Variants in RYR2 observed in about 807,000 individuals in gnomAD.
RYR2 encodes the protein cardiac muscle ryanodine receptor-calcium release channel.
RYR2 carries 227 observed loss-of-function variants against 601.1 expected under a neutral mutation model. The ratio of observed to expected loss-of-function variants is 0.38; its 90% CI spans 0.34 to 0.42. The LOEUF (loss-of-function observed/expected upper bound fraction) is 0.42. RYR2 is among the 10% of genes least tolerant of loss of function. RYR2 has a pLI of 1.00. For missense variants in RYR2, 4,646 were observed against 6,156.5 expected (o/e 0.75, Z 8.21); for synonymous variants, 2,223 against 2,175.1 (o/e 1.02, Z -0.61).
intron 1 of RYR2, among the ~76,000 whole-genome samples, chr1:237,253,698 G>A (rs1297614526): frequency 1.3e-5 from 2 of 152,282 alleles, no homozygotes; most frequent in Non-Finnish European, 1.5e-5. Context: ...ATCAGGAATA[G>A]TTTATTGCTC....
At chr1:237,264,705 T>TA (rs1558520794) in intron 1 of RYR2, among the ~76,000 whole-genome samples, 11 of 151,318 alleles carry the variant, frequency 7.3e-5, no homozygotes, top group African/African-American at 2.7e-4. Context: ...TATTATTTTT[T>TA]TTTTTTTGAG....
chr1:237,149,620 C>A (rs1343546237), intron 1 of RYR2, among the ~76,000 whole-genome samples: 1 of 151,434 alleles, frequency 6.6e-6, no homozygotes, highest in Admixed American at 6.6e-5. Flanking sequence ...AGGCTTTTTT[C>A]TTCTGTGAAG....
intron 74 of RYR2, 32 bp from the exon 75 acceptor site, chr1:237,726,241 T>C (rs1428787889): frequency 6.8e-7 from 1 of 1,468,636 alleles, no homozygotes; most frequent in Non-Finnish European, 9.4e-7. Context: ...GTTTTACTTT[T>C]TTAGCTAACA....
intron 10 of RYR2, among the ~76,000 whole-genome samples, chr1:237,410,122 C>G (rs567255956): frequency 4.6e-5 from 7 of 152,268 alleles, no homozygotes; most frequent in African/African-American, 1.4e-4. Context: ...CTCAAAGTGT[C>G]CGTGATACTG....
intron 2 of RYR2, among the ~76,000 whole-genome samples, chr1:237,289,093 T>C (rs1691911749): frequency 2.0e-5 from 3 of 152,108 alleles, no homozygotes. Flanking sequence ...TGGGGGTGTA[T>C]ATTTGGGAGA....
At chr1:237,249,034 G>C (rs1268558278) in intron 1 of RYR2, among the ~76,000 whole-genome samples, 1 of 152,052 alleles carries the variant, frequency 6.6e-6, no homozygotes, top group Non-Finnish European at 1.5e-5. Context: ...CAAAGTGCTG[G>C]GATTATAGGC....
chr1:237,804,749 A>T (rs1487657452), intron 98 of RYR2, among the ~76,000 whole-genome samples: 2 of 152,242 alleles, frequency 1.3e-5, no homozygotes, highest in Non-Finnish European at 2.9e-5. Context: ...TGGCTCACGT[A>T]AAGTGAGATG....
chr1:237,314,301 T>C lies in RYR2; in HGVS notation c.169-16577T>C, dbSNP rs1418163439. On this transcript the variant is annotated intron_variant, in intron 2 of 104. Coordinates refer to ENST00000366574, the MANE Select transcript of RYR2 (RefSeq NM_001035.3). ...GGATGGTCTCAATCTCCTGACCTCA[T>C]GATCCACCTGCCTCAGCCTCCCAAA... Among the ~76,000 whole-genome samples the C allele has an allele frequency of 3.3e-5, 5 of 152,104 alleles. No homozygotes were observed. In the East Asian group the frequency reaches 5.8e-4, roughly 18 times the overall value.
chr1:237,357,753 T>C (rs1002655818), intron 4 of RYR2, among the ~76,000 whole-genome samples: 2 of 152,210 alleles, frequency 1.3e-5, no homozygotes, highest in Non-Finnish European at 2.9e-5. Flanking sequence ...TTTATAATCT[T>C]ATGTAGCCTC....
At chr1:237,249,945 G>C (rs937476400) in intron 1 of RYR2, among the ~76,000 whole-genome samples, 14 of 152,120 alleles carry the variant, frequency 9.2e-5, no homozygotes, top group African/African-American at 2.7e-4. Flanking sequence ...ATGTGATGAG[G>C]GTTGTGAAGC....
At chr1:237,364,829 A>G (rs1700065502) in intron 5 of RYR2, among the ~76,000 whole-genome samples, 1 of 152,200 alleles carries the variant, frequency 6.6e-6, no homozygotes. Flanking sequence ...GCATGAATAC[A>G]ATGGGAAATT....
At chr1:237,427,339 G>T (rs1342847942) in intron 12 of RYR2, among the ~76,000 whole-genome samples, 1 of 152,064 alleles carries the variant, frequency 6.6e-6, no homozygotes, top group Non-Finnish European at 1.5e-5. Context: ...CACTCTATTT[G>T]CTTATCAATA....
intron 1 of RYR2, among the ~76,000 whole-genome samples, chr1:237,152,472 A>G (rs1674828633): frequency 6.6e-6 from 1 of 152,192 alleles, no homozygotes; most frequent in South Asian, 2.1e-4. Context: ...TCCCACCAAC[A>G]GTGTAAAAGT....
chr1:237,159,815 C>A (rs975778494), intron 1 of RYR2, among the ~76,000 whole-genome samples: 1 of 152,188 alleles, frequency 6.6e-6, no homozygotes, highest in Non-Finnish European at 1.5e-5. Flanking sequence ...ACATACAAAT[C>A]TGAACCATCT....
chr1:237,573,405 G>A (rs753658118), intron 29 of RYR2, among the ~76,000 whole-genome samples: 18 of 151,604 alleles, frequency 1.2e-4, no homozygotes, highest in Non-Finnish European at 2.7e-4. Context: ...ATGATTTGCT[G>A]ACCAGTATAA....
At chr1:237,440,093 T>A (rs1707769766) in intron 12 of RYR2, among the ~76,000 whole-genome samples, 1 of 152,214 alleles carries the variant, frequency 6.6e-6, no homozygotes, top group Admixed American at 6.5e-5. Context: ...CCTTGACATT[T>A]TGTGTTAAAA....
intron 2 of RYR2, among the ~76,000 whole-genome samples, chr1:237,295,514 G>T (rs995712311): frequency 6.6e-6 from 1 of 152,050 alleles, no homozygotes; most frequent in Non-Finnish European, 1.5e-5. Flanking sequence ...AACTTAAAAA[G>T]ACATTGAAAT....
At chr1:237,379,182 A>G (rs147192051) in intron 8 of RYR2, among the ~76,000 whole-genome samples, 1 of 152,312 alleles carries the variant, frequency 6.6e-6, no homozygotes, top group African/African-American at 2.4e-5. Context: ...TTATACACAT[A>G]CTTTATTTAG....
chr1:237,148,530 AT>A (rs1558319938), intron 1 of RYR2, among the ~76,000 whole-genome samples: 1,263 of 44,322 alleles, frequency 0.028, 32 homozygotes, highest in African/African-American at 0.073. Flanking sequence ...AAAAAAAAAT[AT>A]ATATATATAT....
Sources: gnomAD v4.1 joint callset for allele counts (sites outside exome capture counted in the v4.1 genomes callset) on GRCh38, gnomAD v4.1.1 for gene constraint, MANE v1.5 for transcripts, NCBI Gene and HGNC (gene_info 2026-07-23, HGNC 2026-07-21) for gene names.